The following DMXL1 variants were observed in gnomAD, a reference collection of about 807,000 sequenced individuals.
DMXL1 encodes the protein Dmx like 1.
A neutral mutation model predicts 319.2 loss-of-function variants in DMXL1; 99 were observed. The ratio of observed to expected loss-of-function variants is 0.31; its 90% confidence interval spans 0.26 to 0.37. The LOEUF (loss-of-function observed/expected upper bound fraction) is 0.37. Among genes scored for constraint, DMXL1 ranks in the 10% least tolerant of loss-of-function variants. DMXL1 has a pLI of 1.00. For synonymous variants in DMXL1, 1,385 were observed against 1,235.2 expected (o/e 1.12, Z -2.54); for missense variants, 3,745 against 3,595.6 (o/e 1.04, Z -1.06).
intron 8 of DMXL1, among the ~76,000 whole-genome samples, chr5:119,119,973 C>T (rs564640913): frequency 2.1e-4 from 32 of 151,956 alleles, no homozygotes; most frequent in Admixed American, 5.9e-4. Context: ...CTCTGCTTCC[C>T]GGGTTCAAGC....
At chr5:119,244,326 A>G (rs1473977727) in intron 42 of DMXL1, 33 bp from the exon 43 acceptor site, 1 of 1,528,174 alleles carries the variant, frequency 6.5e-7, no homozygotes, top group South Asian at 1.2e-5. Flanking sequence ...TTTATTGTTA[A>G]GTGTTTTTGT....
intron 13 of DMXL1, 113 bp downstream of exon 13, chr5:119,134,502 A>G (rs1311733156): frequency 2.1e-6 from 2 of 939,664 alleles, no homozygotes; most frequent in East Asian, 2.6e-5. Flanking sequence ...AAGCATTTGT[A>G]TCTTTGTTTT....
At chr5:119,205,315 A>G (rs1781556466) in intron 33 of DMXL1, among the ~76,000 whole-genome samples, 1 of 152,184 alleles carries the variant, frequency 6.6e-6, no homozygotes, top group African/African-American at 2.4e-5. Context: ...CTCATTAAAG[A>G]AATAGAGTAG....
intron 9 of DMXL1, among the ~76,000 whole-genome samples, chr5:119,126,249 C>G (rs993838782): frequency 6.6e-6 from 1 of 152,080 alleles, no homozygotes; most frequent in Non-Finnish European, 1.5e-5. Flanking sequence ...CGCCATTGCC[C>G]TCCACCCTGG....
At chr5:119,122,225 C>T in intron 9 of DMXL1, among the ~76,000 whole-genome samples, 1 of 137,458 alleles carries the variant, frequency 7.3e-6, no homozygotes, top group Non-Finnish European at 1.6e-5. Context: ...GCAGAGGCGC[C>T]CCTCACCTCC....
At chr5:119,151,599 G>C (rs1040068029) in intron 18 of DMXL1, among the ~76,000 whole-genome samples, 1 of 152,054 alleles carries the variant, frequency 6.6e-6, no homozygotes, top group South Asian at 2.1e-4. Flanking sequence ...CGAACAAACT[G>C]TATTGGTTAA....
intron 33 of DMXL1, among the ~76,000 whole-genome samples, chr5:119,204,256 G>T (rs1581310501): frequency 6.6e-6 from 1 of 152,162 alleles, no homozygotes; most frequent in Admixed American, 6.5e-5. Flanking sequence ...TCCCACCTCA[G>T]CCTCCCTAGC....
intron 19 of DMXL1, 30 bp from the exon 20 acceptor site, chr5:119,164,477 T>C: frequency 1.3e-6 from 2 of 1,592,978 alleles, no homozygotes; most frequent in Non-Finnish European, 1.7e-6. Context: ...TTTATAATTC[T>C]TATAAACATC....
chr5:119,105,781 C>T (rs528148933), intron 4 of DMXL1, among the ~76,000 whole-genome samples: 27 of 151,892 alleles, frequency 1.8e-4, no homozygotes, highest in African/African-American at 5.8e-4. Flanking sequence ...CCTGTAATCC[C>T]AGCTACTTGG....
chr5:119,121,160 A>T (rs1422413977), intron 9 of DMXL1, 21 bp downstream of exon 9: 5 of 1,555,418 alleles, frequency 3.2e-6, no homozygotes, highest in Non-Finnish European at 3.5e-6. Flanking sequence ...ATTGTTCAAA[A>T]CATGTTTCTG....
chr5:119,120,845 T>G (rs1761883052), intron 8 of DMXL1, 126 bp from the exon 9 acceptor site: 1 of 719,732 alleles, frequency 1.4e-6, no homozygotes, highest in Non-Finnish European at 2.0e-6. Flanking sequence ...TTAAAAGGCG[T>G]TTTTACATAT....
intron 1 of DMXL1, among the ~76,000 whole-genome samples, chr5:119,086,779 G>T (rs931354968): frequency 3.3e-5 from 5 of 150,220 alleles, no homozygotes; most frequent in South Asian, 4.2e-4. Flanking sequence ...GAGTAGAGTT[G>T]GTATTAGTTC....
intron 4 of DMXL1, among the ~76,000 whole-genome samples, chr5:119,108,530 C>G (rs908316151): frequency 1.3e-5 from 2 of 152,044 alleles, no homozygotes; most frequent in African/African-American, 4.8e-5. Context: ...CTTGAGTGAT[C>G]CTTTCACCTC....
Position 119,110,302 on chromosome 5 carries a change from GA to G in DMXL1, c.497+20del. 1.3e-6 allele frequency: 2 copies of G among 1,526,634 alleles called. No individual in the cohort carries two copies. Among genetic ancestry groups the G allele is most frequent in the Non-Finnish European group, 1.7e-6 (2 of 1,145,356 alleles). The allele number at this position is 1,526,634 out of a possible 1,614,324, so 94.6% of individuals were successfully genotyped here. ...ATTGCAAGTAAGCAATTAATCAGGG[GA>G]GTAAACTGATAAACCTGTTGTTCTA... is the stretch of plus-strand genomic sequence containing the variant. On this transcript the variant is annotated intron_variant, in intron 5 of 43. Coordinates refer to ENST00000539542, the MANE Select transcript of DMXL1 (RefSeq NM_001290321.3).
intron 42 of DMXL1, among the ~76,000 whole-genome samples, chr5:119,244,094 C>T (rs764483470): frequency 1.3e-5 from 2 of 152,150 alleles, no homozygotes; most frequent in Non-Finnish European, 1.5e-5. Flanking sequence ...ACCAGGGTTC[C>T]TCTCCTGGTG....
At chr5:119,161,723 T>C (rs1772316811) in intron 19 of DMXL1, among the ~76,000 whole-genome samples, 1 of 152,160 alleles carries the variant, frequency 6.6e-6, no homozygotes, top group Non-Finnish European at 1.5e-5. Flanking sequence ...GAGGTAGATG[T>C]CTACCAGTCT....
rs1765432362 is a variant in DMXL1 at position 119,133,792 on chromosome 5, C to T, written c.1868C>T (p.Thr623Ile). 1.2e-6 allele frequency: 2 copies of T among 1,614,156 alleles called. No homozygotes were observed. Among genetic ancestry groups the T allele is most frequent in the Non-Finnish European group, 1.7e-6 (2 of 1,180,034 alleles). ...TTTGCCGAGGAATCTGCTTTTTCTA[C>T]TGTTCTCAGTATTTCCCACAAATCC... ...VSFAEESAFS[T>I]VLSISHKSRY... is the part of the protein sequence containing the mutation. The change falls in exon 12 of 44, where the codon ACT becomes ATT. Residue 623 changes from threonine (T) to isoleucine (I), a missense_variant. Thr to Ile is a moderately conservative substitution (Grantham distance 89). This residue lies in a region of DMXL1 where 2,096 missense variants were observed against 1,985.4 expected (regional missense o/e 1.06). Coordinates refer to ENST00000539542, the MANE Select transcript of DMXL1 (RefSeq NM_001290321.3).
chr5:119,160,020 GTTTATAC>G (rs1466020917), intron 19 of DMXL1, among the ~76,000 whole-genome samples: 3 of 152,018 alleles, frequency 2.0e-5, no homozygotes, highest in South Asian at 2.1e-4. Flanking sequence ...CATTTTTCTA[GTTTATAC>G]TTTATTTATT....
intron 37 of DMXL1, among the ~76,000 whole-genome samples, chr5:119,224,210 A>G (rs374931442): frequency 6.6e-6 from 1 of 152,146 alleles, no homozygotes; most frequent in Non-Finnish European, 1.5e-5. Context: ...TTATGATGCT[A>G]TATAAATTGG....
Sources: allele counts gnomAD v4.1 joint callset (sites outside exome capture counted in the v4.1 genomes callset), GRCh38; gene constraint gnomAD v4.1.1; regional missense constraint gnomAD v4.1.1; transcripts MANE v1.5; gene names NCBI Gene and HGNC (gene_info 2026-07-23, HGNC 2026-07-21).